PPP1R1C: variants seen among roughly 807,000 people sequenced by gnomAD.
The protein encoded by PPP1R1C is protein phosphatase 1 regulatory inhibitor subunit 1C.
In PPP1R1C, 15 loss-of-function variants were observed where a neutral mutation model predicts 17.4. The observed-to-expected ratio is 0.86, with a 90% CI of 0.58 to 1.33. The LOEUF (loss-of-function observed/expected upper bound fraction) is 1.33, where lower values mean the gene tolerates loss of function less well. Among genes scored for constraint, PPP1R1C ranks in the 40% most tolerant of loss-of-function variants. The pLI is 0.00. For synonymous variants in PPP1R1C, 35 were observed against 43.1 expected, an observed-to-expected ratio of 0.81 and a Z score of 0.73; for missense variants, 143 against 130.0, an observed-to-expected ratio of 1.10 and a Z score of -0.48.
chr2:182,052,917 C>T (rs957723080), intron 2 of PPP1R1C, among the ~76,000 whole-genome samples: 2 of 151,762 alleles, frequency 1.3e-5, no homozygotes, highest in Admixed American at 6.6e-5. Context: ...AAAAAAAAAT[C>T]GTATGTTTGA....
chr2:182,057,026 A>G (rs944256998), intron 2 of PPP1R1C, among the ~76,000 whole-genome samples: 4 of 152,194 alleles, frequency 2.6e-5, no homozygotes, highest in African/African-American at 9.6e-5. Context: ...AAAAGTATGT[A>G]TTTAGCACCT....
chr2:182,084,667 C>T (rs1230445922), intron 4 of PPP1R1C, among the ~76,000 whole-genome samples: 4 of 152,040 alleles, frequency 2.6e-5, no homozygotes, highest in African/African-American at 7.2e-5. Flanking sequence ...TTACTATAGC[C>T]TTGTAGTATA....
At chr2:182,115,928 A>G (rs555251845) in intron 4 of PPP1R1C, among the ~76,000 whole-genome samples, 40 of 152,180 alleles carry the variant, frequency 2.6e-4, no homozygotes, top group Non-Finnish European at 4.7e-4. Flanking sequence ...TACTTAAAAA[A>G]TCTAATAAAC....
upstream of PPP1R1C, among the ~76,000 whole-genome samples, chr2:181,982,766 A>G (rs778314000): frequency 6.6e-6 from 1 of 152,200 alleles, no homozygotes; most frequent in South Asian, 2.1e-4. Context: ...TTGAGGAATC[A>G]TGCAAAGTAG....
At chr2:182,067,678 A>C (rs1688025595) in intron 4 of PPP1R1C, among the ~76,000 whole-genome samples, 1 of 152,146 alleles carries the variant, frequency 6.6e-6, no homozygotes, top group Non-Finnish European at 1.5e-5. Flanking sequence ...CCACAAAACA[A>C]CAACAAAGAA....
intron 1 of PPP1R1C, among the ~76,000 whole-genome samples, chr2:181,960,626 C>T (rs141668722): frequency 1.3e-5 from 2 of 152,252 alleles, no homozygotes; most frequent in African/African-American, 2.4e-5. Context: ...TAGTGTTTTC[C>T]GTTAACACAA....
chr2:182,063,327 A>G (rs979364068), intron 3 of PPP1R1C, among the ~76,000 whole-genome samples: 2 of 152,058 alleles, frequency 1.3e-5, no homozygotes, highest in African/African-American at 4.8e-5. Flanking sequence ...GAATCACTCA[A>G]TAACCCCACG....
chr2:182,055,221 G>C (rs1490971797), intron 2 of PPP1R1C, among the ~76,000 whole-genome samples: 1 of 152,040 alleles, frequency 6.6e-6, no homozygotes, highest in Admixed American at 6.5e-5. Flanking sequence ...GTTTGCTGGT[G>C]CCAACTTTTA....
chr2:182,109,310 A>G (rs1574459501), intron 4 of PPP1R1C, among the ~76,000 whole-genome samples: 1 of 152,080 alleles, frequency 6.6e-6, no homozygotes, highest in African/African-American at 2.4e-5. Flanking sequence ...CGCATCCTTT[A>G]CATTGTTTTT....
Position 182,020,893 on chromosome 2 carries a change from T to C in PPP1R1C, c.142+32994T>C, listed in dbSNP as rs1686402326. 2.0e-5 allele frequency among the ~76,000 whole-genome samples: 3 copies of C among 152,360 alleles called. No homozygotes were observed. The South Asian group carries it at 6.2e-4, about 32-fold the overall frequency. On this transcript the variant is annotated intron_variant, in intron 2 of 4. Transcript: ENST00000682840. ...CTGAACCCACTTCAATTTGGCTTTCTCTAAATCTCCTCTCTAGAAGGTCAC... is the reference window on the plus strand; with the variant it reads ...CTGAACCCACTTCAATTTGGCTTTCCCTAAATCTCCTCTCTAGAAGGTCAC...
At chr2:182,112,617 A>G (rs1027154094) in intron 4 of PPP1R1C, among the ~76,000 whole-genome samples, 1 of 152,178 alleles carries the variant, frequency 6.6e-6, no homozygotes, top group African/African-American at 2.4e-5. Context: ...AATAACCACT[A>G]TGGGAATTTA....
At chr2:182,041,780 G>A (rs1687192813) in intron 2 of PPP1R1C, among the ~76,000 whole-genome samples, 1 of 152,134 alleles carries the variant, frequency 6.6e-6, no homozygotes, top group Non-Finnish European at 1.5e-5. Context: ...GTTCTTTCAT[G>A]TGTTAATATA....
chr2:182,095,216 T>A (rs1688897354), intron 4 of PPP1R1C, among the ~76,000 whole-genome samples: 1 of 152,062 alleles, frequency 6.6e-6, no homozygotes, highest in African/African-American at 2.4e-5. Context: ...GGAGAATCGC[T>A]TGAACCCCAG....
intron 4 of PPP1R1C, among the ~76,000 whole-genome samples, chr2:182,099,580 C>G (rs1689040999): frequency 6.6e-6 from 1 of 152,110 alleles, no homozygotes; most frequent in South Asian, 2.1e-4. Context: ...TGTATGGCAT[C>G]AAGAATTATA....
intron 4 of PPP1R1C, 58 bp downstream of exon 4, chr2:182,063,849 G>A (rs920086826): frequency 1.1e-5 from 15 of 1,312,396 alleles, no homozygotes; most frequent in East Asian, 6.9e-5. Flanking sequence ...CTGGTCGGCC[G>A]TCTGTTCTCT....
chr2:182,097,741 A>G (rs1226826383), intron 4 of PPP1R1C, among the ~76,000 whole-genome samples: 1 of 152,168 alleles, frequency 6.6e-6, no homozygotes, highest in South Asian at 2.1e-4. Flanking sequence ...TCTTCCCAGA[A>G]TGACTCTCAT....
chr2:182,033,150 A>C (rs1686896163), intron 2 of PPP1R1C, among the ~76,000 whole-genome samples: 1 of 152,028 alleles, frequency 6.6e-6, no homozygotes, highest in Admixed American at 6.6e-5. Context: ...CTTTCTTGCA[A>C]TTCTTTTCTT....
chr2:181,971,976 T>C (rs1310879470), intron 1 of PPP1R1C, among the ~76,000 whole-genome samples: 1 of 152,228 alleles, frequency 6.6e-6, no homozygotes, highest in Admixed American at 6.5e-5. Context: ...TTCAAGCGTA[T>C]CTTTACTACC....
At position 181,976,844 on chromosome 2, in the gene PPP1R1C, G is replaced by A. The variant is rs914014104; in HGVS notation, n.157+1580G>A. ...TGTCAAGGTGTTTTTTAAAGAACTTGCCTAAATTATGGGCCAGGCACAATG... is the reference window on the plus strand; with the variant it reads ...TGTCAAGGTGTTTTTTAAAGAACTTACCTAAATTATGGGCCAGGCACAATG... On this transcript the variant is annotated intron_variant and non_coding_transcript_variant, in intron 2 of 5. Coordinates refer to the PPP1R1C transcript ENST00000464264. The surrounding 1 kb of genome is among the most constrained non-coding windows in gnomAD (Gnocchi z 4.8). Among the ~76,000 whole-genome samples, 5 of 151,914 alleles carry A rather than the reference G, an allele frequency of 3.3e-5. No individual in the cohort carries two copies. The highest frequency in any genetic ancestry group is 7.2e-5 in the African/African-American group (3 of 41,380).
Sources: allele counts gnomAD v4.1 joint callset (sites outside exome capture counted in the v4.1 genomes callset), GRCh38; gene constraint gnomAD v4.1.1; non-coding constraint Gnocchi (gnomAD v3.1); transcripts MANE v1.5; gene names NCBI Gene and HGNC (gene_info 2026-07-23, HGNC 2026-07-21).